The following FUT9 variants were observed in gnomAD, a reference collection of about 807,000 sequenced individuals.
FUT9 encodes fucosyltransferase 9.
In FUT9, 15 loss-of-function variants were observed where a neutral mutation model predicts 29.7. The ratio of observed to expected loss-of-function variants is 0.51; its 90% CI spans 0.34 to 0.78. The LOEUF is 0.78. FUT9 is among the 30% of genes least tolerant of loss of function. FUT9 has a pLI of 0.01. For missense variants in FUT9, 319 were observed against 425.4 expected, an observed-to-expected ratio of 0.75 and a Z score of 2.20; for synonymous variants, 169 against 153.7, an observed-to-expected ratio of 1.10 and a Z score of -0.74.
At chr6:96,075,490 T>C (rs1230916586) in intron 1 of FUT9, among the ~76,000 whole-genome samples, 1 of 152,214 alleles carries the variant, frequency 6.6e-6, no homozygotes, top group East Asian at 1.9e-4. Flanking sequence ...GTATATATAC[T>C]AGTTCTTCTT....
chr6:96,206,236 ATAT>A lies in FUT9; in HGVS notation c.*2006_*2008del, dbSNP rs1773827559. The A allele has an allele frequency of 1.2e-5, 2 of 167,090 alleles. No homozygotes were observed. Among genetic ancestry groups the A allele is most frequent in the South Asian group, 4.1e-4 (2 of 4,832 alleles). 10.4% of individuals were successfully genotyped at this position (167,090 alleles called of 1,614,324 possible). A position where few individuals can be genotyped will look rare whatever the true frequency, so the allele number is the denominator to read the frequency against. Reference sequence around the variant, plus strand: ...ACTTTGTCAACTCTTTTGACCCAACATATTATTCTCTCCGTATTATCTCTTCTA... The same window carrying A: ...ACTTTGTCAACTCTTTTGACCCAACATATTCTCTCCGTATTATCTCTTCTA... On this transcript the variant is annotated 3_prime_UTR_variant, in exon 3 of 3. Coordinates refer to ENST00000302103, the MANE Select transcript of FUT9 (RefSeq NM_006581.4).
At chr6:96,164,249 GGTTCTTTT>G (rs1225176018) in intron 2 of FUT9, among the ~76,000 whole-genome samples, 1,398 of 111,876 alleles carry the variant, frequency 0.012, 24 homozygotes, top group African/African-American at 0.043. Context: ...TGGAGATCCA[GGTTCTTTT>G]TTTTTTTTTT....
intron 1 of FUT9, among the ~76,000 whole-genome samples, chr6:96,050,811 CTCTTTT>C (rs1055510679): frequency 2.0e-5 from 3 of 152,082 alleles, no homozygotes; most frequent in Non-Finnish European, 4.4e-5. Flanking sequence ...GCTGTCAAGT[CTCTTTT>C]TCTTTTTCTT....
chr6:96,202,154 G>T (rs1286668308), intron 2 of FUT9, among the ~76,000 whole-genome samples: 3 of 151,640 alleles, frequency 2.0e-5, no homozygotes, highest in African/African-American at 7.3e-5. Context: ...ATATATTTTT[G>T]TGTTCATAGC....
At chr6:96,029,903 C>T (rs1021352077) in intron 1 of FUT9, among the ~76,000 whole-genome samples, 1 of 151,584 alleles carries the variant, frequency 6.6e-6, no homozygotes, top group Admixed American at 6.6e-5. Context: ...AATATTATCA[C>T]AGATCACAAA....
chr6:96,044,813 A>C (rs143776970), intron 1 of FUT9, among the ~76,000 whole-genome samples: 1,960 of 152,314 alleles, frequency 0.013, 41 homozygotes, highest in African/African-American at 0.044. Flanking sequence ...GCTAGGTATG[A>C]GAGTACTGTA....
chr6:96,047,566 A>G (rs1486177483), intron 1 of FUT9, among the ~76,000 whole-genome samples: 1 of 152,152 alleles, frequency 6.6e-6, no homozygotes, highest in Non-Finnish European at 1.5e-5. Flanking sequence ...AATTACATTC[A>G]TTGTATATGT....
chr6:96,135,034 T>C (rs953452367), intron 2 of FUT9, among the ~76,000 whole-genome samples: 1 of 151,944 alleles, frequency 6.6e-6, no homozygotes, highest in Non-Finnish European at 1.5e-5. Context: ...TGCAGGTTGC[T>C]GTATTGCTTC....
At chr6:96,099,824 C>T (rs1179840451) in intron 1 of FUT9, among the ~76,000 whole-genome samples, 1 of 152,082 alleles carries the variant, frequency 6.6e-6, no homozygotes, top group African/African-American at 2.4e-5. Flanking sequence ...TAATTAGTTT[C>T]TACCACAGAC....
intron 1 of FUT9, among the ~76,000 whole-genome samples, chr6:96,081,682 G>A (rs1032211523): frequency 1.3e-5 from 2 of 151,764 alleles, no homozygotes; most frequent in African/African-American, 2.4e-5. Context: ...GTTCTACAAA[G>A]TACATATTTA....
chr6:96,124,337 A>G (rs868475627), intron 2 of FUT9, among the ~76,000 whole-genome samples: 2 of 151,608 alleles, frequency 1.3e-5, no homozygotes, highest in Non-Finnish European at 1.5e-5. Context: ...TTTTTAGTAG[A>G]GACAGGGTTT....
chr6:96,158,333 T>A (rs1444553491), intron 2 of FUT9, among the ~76,000 whole-genome samples: 2 of 152,126 alleles, frequency 1.3e-5, no homozygotes, highest in African/African-American at 4.8e-5. Context: ...GTTAAACCAA[T>A]AAACACTATA....
intron 2 of FUT9, among the ~76,000 whole-genome samples, chr6:96,161,249 TGGATGGG>T (rs1772895695): frequency 6.6e-6 from 1 of 152,134 alleles, no homozygotes; most frequent in Non-Finnish European, 1.5e-5. Flanking sequence ...AGAGCTCTCC[TGGATGGG>T]ATAAGTGCCC....
At chr6:96,151,915 A>G (rs5026338) in intron 2 of FUT9, among the ~76,000 whole-genome samples, 138,758 of 152,176 alleles carry the variant, frequency 0.91, 64,633 homozygotes, top group Non-Finnish European at 1. Context: ...AGAAAACAAT[A>G]GCAATCTTGA....
At chr6:96,041,920 A>T (rs562639323) in intron 1 of FUT9, among the ~76,000 whole-genome samples, 1 of 152,334 alleles carries the variant, frequency 6.6e-6, no homozygotes, top group Non-Finnish European at 1.5e-5. Context: ...GTAGTAAGTT[A>T]TGTAGTCAGC....
chr6:96,147,064 T>C (rs1035596243), intron 2 of FUT9, among the ~76,000 whole-genome samples: 3 of 152,076 alleles, frequency 2.0e-5, no homozygotes, highest in African/African-American at 7.2e-5. Context: ...ACAATTACCT[T>C]CTCACATACA....
At chr6:96,081,217 T>TA (rs1462031830) in intron 1 of FUT9, among the ~76,000 whole-genome samples, 3 of 151,876 alleles carry the variant, frequency 2.0e-5, no homozygotes, top group African/African-American at 7.2e-5. Context: ...ATCAATAATT[T>TA]TGAGGCTCCT....
chr6:96,159,769 T>G (rs1772862796), intron 2 of FUT9, among the ~76,000 whole-genome samples: 1 of 152,154 alleles, frequency 6.6e-6, no homozygotes, highest in Non-Finnish European at 1.5e-5. Context: ...ACTATAATTT[T>G]ATATATGTCT....
chr6:96,109,498 C>G (rs940657567), intron 1 of FUT9, among the ~76,000 whole-genome samples: 1 of 152,062 alleles, frequency 6.6e-6, no homozygotes, highest in African/African-American at 2.4e-5. Context: ...TTTAAACTGA[C>G]CCTTCTCTAC....
Sources: gnomAD v4.1 joint callset for allele counts (sites outside exome capture counted in the v4.1 genomes callset) on GRCh38, gnomAD v4.1.1 for gene constraint, MANE v1.5 for transcripts, NCBI Gene and HGNC (gene_info 2026-07-23, HGNC 2026-07-21) for gene names.